GRM8: variants seen among roughly 807,000 people sequenced by gnomAD.
The protein encoded by GRM8 is glutamate metabotropic receptor 8.
A neutral mutation model predicts 87.2 loss-of-function variants in GRM8; 47 were observed. That is an observed-to-expected ratio of 0.54 (90% CI 0.43 to 0.69). The LOEUF (loss-of-function observed/expected upper bound fraction) is 0.69. Among genes scored for constraint, GRM8 ranks in the 30% least tolerant of loss-of-function variants. The probability of loss-of-function intolerance (pLI) is 0.00; values close to 1 mark genes in which losing one functional copy is unlikely to be tolerated. For synonymous variants in GRM8, 396 were observed against 404.5 expected, an observed-to-expected ratio of 0.98 and a Z score of 0.25; for missense variants, 1,019 against 1,139.2, an observed-to-expected ratio of 0.89 and a Z score of 1.52.
chr7:126,463,488 C>T (rs756631945), intron 9 of GRM8, among the ~76,000 whole-genome samples: 10 of 151,468 alleles, frequency 6.6e-5, no homozygotes, highest in East Asian at 1.9e-4. Context: ...CACATTAATA[C>T]GATGTTCTAA....
At chr7:127,050,797 C>G (rs1819390736) in intron 3 of GRM8, among the ~76,000 whole-genome samples, 1 of 152,090 alleles carries the variant, frequency 6.6e-6, no homozygotes, top group East Asian at 1.9e-4. Flanking sequence ...GGTGGTAGAC[C>G]TATTGATTAC....
At chr7:126,655,868 AT>A (rs1240557063) in intron 7 of GRM8, among the ~76,000 whole-genome samples, 1 of 152,222 alleles carries the variant, frequency 6.6e-6, no homozygotes. Flanking sequence ...AGGGAAAGAT[AT>A]AGCATTAAAA....
chr7:126,947,543 TGCAC>T (rs1430114094), intron 3 of GRM8, among the ~76,000 whole-genome samples: 3 of 151,896 alleles, frequency 2.0e-5, no homozygotes, highest in Admixed American at 6.6e-5. Flanking sequence ...TGTATATATA[TGCAC>T]ACACATACAC....
intron 7 of GRM8, among the ~76,000 whole-genome samples, chr7:126,741,194 C>T (rs886482697): frequency 2.0e-5 from 3 of 151,992 alleles, no homozygotes; most frequent in African/African-American, 4.8e-5. Flanking sequence ...TGGCAGTACT[C>T]GGGATCCACT....
At chr7:126,648,603 C>A (rs1018319347) in intron 7 of GRM8, among the ~76,000 whole-genome samples, 1 of 152,198 alleles carries the variant, frequency 6.6e-6, no homozygotes, top group Non-Finnish European at 1.5e-5. Context: ...AGCTGAGATT[C>A]AAAACCAAAA....
intron 7 of GRM8, among the ~76,000 whole-genome samples, chr7:126,671,114 G>A (rs368272270): frequency 6.6e-6 from 1 of 152,200 alleles, no homozygotes; most frequent in African/African-American, 2.4e-5. Flanking sequence ...TAAAAATCTA[G>A]TGGGAAACTG....
chr7:126,631,794 T>C (rs550985736), intron 7 of GRM8, among the ~76,000 whole-genome samples: 12 of 152,306 alleles, frequency 7.9e-5, no homozygotes, highest in African/African-American at 2.9e-4. Flanking sequence ...GGACTCCCGA[T>C]TTAATAAATG....
chr7:126,525,903 T>C (rs559807849), intron 9 of GRM8, among the ~76,000 whole-genome samples: 1 of 152,354 alleles, frequency 6.6e-6, no homozygotes, highest in South Asian at 2.1e-4. Context: ...TACATATTTC[T>C]TTTAATTATT....
At chr7:127,015,158 G>A (rs1586756208) in intron 3 of GRM8, among the ~76,000 whole-genome samples, 3 of 46,730 alleles carry the variant, frequency 6.4e-5, no homozygotes, top group Non-Finnish European at 1.3e-4. Context: ...AAGGAAGAAG[G>A]AGAAGGAGAA....
In GRM8 at chr7:127,124,294, G is replaced by A. The variant is rs373190106; in HGVS notation, c.511-17582C>T. ...GCTGTATTCAAACTGCTCTAAGCAA[G>A]ATCATAAAACTTTTCATGTCACAAA... On this transcript the variant is annotated intron_variant, in intron 2 of 10. Coordinates refer to ENST00000339582, the MANE Select transcript of GRM8 (RefSeq NM_000845.3). Among the ~76,000 whole-genome samples, 7 of 152,226 alleles carry A rather than the reference G, an allele frequency of 4.6e-5. No individual in the cohort carries two copies. In the East Asian group the frequency reaches 1.2e-3, roughly 25 times the overall value.
At chr7:126,686,605 G>A (rs1286503665) in intron 7 of GRM8, among the ~76,000 whole-genome samples, 1 of 151,358 alleles carries the variant, frequency 6.6e-6, no homozygotes, top group East Asian at 1.9e-4. Context: ...ACTGGCACCT[G>A]GAACTGCCTG....
intron 9 of GRM8, among the ~76,000 whole-genome samples, chr7:126,470,373 A>C (rs987261628): frequency 3.3e-5 from 4 of 120,518 alleles, no homozygotes; most frequent in Non-Finnish European, 6.4e-5. Context: ...CCAGAGTGTG[A>C]GGTTCCCCTT....
chr7:126,815,459 T>C (rs1793699597), intron 6 of GRM8, among the ~76,000 whole-genome samples: 1 of 152,146 alleles, frequency 6.6e-6, no homozygotes. Flanking sequence ...CAGTACCAAC[T>C]CTGCCCTAGA....
intron 9 of GRM8, among the ~76,000 whole-genome samples, chr7:126,498,476 T>C (rs1343437882): frequency 4.0e-5 from 6 of 151,856 alleles, no homozygotes; most frequent in Admixed American, 3.9e-4. Context: ...GTTTCCAGGG[T>C]ACCATTTTAA....
chr7:126,585,287 A>T (rs1795992146), intron 8 of GRM8, among the ~76,000 whole-genome samples: 1 of 152,220 alleles, frequency 6.6e-6, no homozygotes, highest in Non-Finnish European at 1.5e-5. Context: ...CATATTAAAC[A>T]ATAAGGCATA....
At chr7:126,732,048 C>T (rs74836046) in intron 7 of GRM8, among the ~76,000 whole-genome samples, 1,782 of 152,030 alleles carry the variant, frequency 0.012, 18 homozygotes, top group Non-Finnish European at 0.02. Context: ...TATTGACAAT[C>T]CCTCAGCATG....
At chr7:126,595,138 G>T (rs1797039315) in intron 8 of GRM8, among the ~76,000 whole-genome samples, 1 of 152,042 alleles carries the variant, frequency 6.6e-6, no homozygotes, top group African/African-American at 2.4e-5. Context: ...CAGCTTTGAT[G>T]AAAATTTTAT....
chr7:126,909,723 A>G (rs1027890459), intron 3 of GRM8, among the ~76,000 whole-genome samples: 2 of 152,164 alleles, frequency 1.3e-5, no homozygotes, highest in African/African-American at 4.8e-5. Context: ...AATACACATG[A>G]TCACTCCTTT....
chr7:126,721,374 T>C (rs988663474), intron 7 of GRM8, among the ~76,000 whole-genome samples: 2 of 152,150 alleles, frequency 1.3e-5, no homozygotes, highest in African/African-American at 4.8e-5. Flanking sequence ...TATAATGAGG[T>C]TATAAAGAAA....
Sources: gnomAD v4.1 joint callset for allele counts (sites outside exome capture counted in the v4.1 genomes callset) on GRCh38, gnomAD v4.1.1 for gene constraint, MANE v1.5 for transcripts, NCBI Gene and HGNC (gene_info 2026-07-23, HGNC 2026-07-21) for gene names.